The following FTO variants were observed in gnomAD, a reference collection of about 807,000 sequenced individuals.
FTO encodes alpha-ketoglutarate-dependent dioxygenase FTO.
A neutral mutation model predicts 63.9 loss-of-function variants in FTO; 47 were observed. The ratio of observed to expected loss-of-function variants is 0.74; its 90% confidence interval spans 0.58 to 0.94. FTO has a LOEUF of 0.94. Among genes scored for constraint, FTO ranks in the 40% least tolerant of loss-of-function variants. The pLI, the probability that FTO is intolerant of heterozygous loss-of-function variation, is 0.00. For synonymous variants in FTO, 207 were observed against 224.4 expected, an observed-to-expected ratio of 0.92 and a Z score of 0.69; for missense variants, 562 against 618.1, an observed-to-expected ratio of 0.91 and a Z score of 0.96.
intron 1 of FTO, among the ~76,000 whole-genome samples, chr16:53,763,292 C>T (rs73610002): frequency 0.023 from 3,431 of 152,210 alleles, 136 homozygotes; most frequent in African/African-American, 0.078. Flanking sequence ...TTCATGGTGT[C>T]ATCTAACATT....
chr16:54,017,010 A>G (rs2084464548), intron 8 of FTO, among the ~76,000 whole-genome samples: 1 of 152,154 alleles, frequency 6.6e-6, no homozygotes, highest in Admixed American at 6.5e-5. Flanking sequence ...TTGGGAAGAT[A>G]ATGAGTGGCA....
rs752080961 is a variant in FTO, at chr16:53,900,608, C to CTTTTT, written c.1239+11680_1239+11684dup. 9.3e-3 allele frequency among the ~76,000 whole-genome samples: 627 copies of CTTTTT among 67,200 alleles called. 124 individuals carry two copies. Among genetic ancestry groups the CTTTTT allele is most frequent in the African/African-American group, 0.035 (544 of 15,336 alleles). The allele number at this position is 67,200 out of a possible 152,430, so 44.1% of individuals were successfully genotyped here. The stretch of plus-strand genomic sequence containing the variant: ...CAGTCATTTAATCATTCATCTGCTC[C>CTTTTT]TTTTTTTTTTTTTTTTTTTTTTTTT... On this transcript the variant is annotated intron_variant, in intron 7 of 8. Coordinates refer to ENST00000471389, the MANE Select transcript of FTO (RefSeq NM_001080432.3).
chr16:53,911,611 G>A lies in FTO; in HGVS notation c.1240-22374G>A, dbSNP rs114428976. 3,079 of 639,502 alleles carry A rather than the reference G, an allele frequency of 4.8e-3. 53 individuals carry two copies. Among genetic ancestry groups the A allele is most frequent in the African/African-American group, 0.048 (2,673 of 55,970 alleles). The allele number at this position is 639,502 out of a possible 1,614,324, so 39.6% of individuals were successfully genotyped here. A position where few individuals can be genotyped will look rare whatever the true frequency, so the allele number is the denominator to read the frequency against. On this transcript the variant is annotated intron_variant, in intron 7 of 8. Coordinates refer to ENST00000471389, the MANE Select transcript of FTO (RefSeq NM_001080432.3). ...ACTGATGTTTACAGGTCAACCTGGA[G>A]GTTCCTGAGAGGAAGTGCACTGTAG...
chr16:53,704,090 G>A, upstream of FTO: 1 of 1,259,288 alleles, frequency 7.9e-7, no homozygotes, highest in East Asian at 2.5e-5. Flanking sequence ...AGCTCCAGAC[G>A]GGAGCAGGAC....
Position 53,744,832 on chromosome 16 carries a change from C to CG in FTO, c.45+40603_45+40604insG, listed in dbSNP as rs971082228. Among the ~76,000 whole-genome samples the CG allele has an allele frequency of 8.7e-3, 630 of 72,064 alleles. 4 individuals are homozygous for CG. The highest frequency in any genetic ancestry group is 0.051 in the African/African-American group (603 of 11,822). The allele number at this position is 72,064 out of a possible 152,430, so 47.3% of individuals were successfully genotyped here. A position where few individuals can be genotyped will look rare whatever the true frequency, so the allele number is the denominator to read the frequency against. On this transcript the variant is annotated intron_variant, in intron 1 of 8. Transcript: ENST00000471389. ...GACTCTAAGGACTTTTCTTCCCCCC[C>CG]CCCATATATGAATCTCATTGTAGAG...
chr16:53,888,370 T>A (rs866774307), intron 6 of FTO, among the ~76,000 whole-genome samples: 58 of 149,226 alleles, frequency 3.9e-4, no homozygotes, highest in African/African-American at 1.4e-3. Context: ...CCAATTTATT[T>A]TTAAAAATAA....
In FTO at chr16:53,737,239, A is replaced by C. The variant is rs142101950; in HGVS notation, c.45+33010A>C. 3.3e-3 allele frequency among the ~76,000 whole-genome samples: 502 copies of C among 152,308 alleles called. 5 individuals carry two copies. Among genetic ancestry groups the C allele is most frequent in the African/African-American group, 0.011 (452 of 41,544 alleles). On this transcript the variant is annotated intron_variant, in intron 1 of 8. Coordinates refer to ENST00000471389, the MANE Select transcript of FTO (RefSeq NM_001080432.3). ...ATATTTATCTGTGGGAAGGAGATTC[A>C]TGAATAAGTGTGTATATATCTCTAT... is the stretch of plus-strand genomic sequence containing the variant.
At chr16:53,811,517 A>G (rs115140649) in intron 2 of FTO, among the ~76,000 whole-genome samples, 5,143 of 152,156 alleles carry the variant, frequency 0.034, 109 homozygotes, top group South Asian at 0.094. Flanking sequence ...GATCTGCACC[A>G]TCTTTCCTCT....
chr16:54,107,328 TG>T (rs2086779089), intron 8 of FTO, among the ~76,000 whole-genome samples: 1 of 152,108 alleles, frequency 6.6e-6, no homozygotes, highest in Admixed American at 6.6e-5. Flanking sequence ...ATTGTTTAGC[TG>T]GGTTCAGTAG....
chr16:54,079,733 G>A (rs556168934), intron 8 of FTO, among the ~76,000 whole-genome samples: 26 of 152,264 alleles, frequency 1.7e-4, no homozygotes, highest in African/African-American at 6.3e-4. Context: ...ACTGGAACGT[G>A]TATGTCCTAT....
chr16:53,744,074 C>A (rs1472352098), intron 1 of FTO, among the ~76,000 whole-genome samples: 1 of 152,002 alleles, frequency 6.6e-6, no homozygotes, highest in Non-Finnish European at 1.5e-5. Context: ...GAAGTGGGCT[C>A]CCTTCAGGAA....
chr16:53,826,301 A>G lies in FTO; in HGVS notation c.561A>G (p.Gly187=), dbSNP rs75008940. 68 of 1,614,156 alleles carry G rather than the reference A, an allele frequency of 4.2e-5. No homozygotes were observed. The highest frequency in any genetic ancestry group is 5.3e-5 in the Non-Finnish European group (62 of 1,179,992). ...TTGGGATGGGTTCATCCTACAACGG[A>G]CAAGATGAAGTGGACATTAAGAGCA... ...PRVGMGSSYN[G]QDEVDIKSRA... is the part of the protein sequence containing the mutation. Residue 187 remains glycine, a synonymous_variant, in exon 3 of 9, where the codon GGA becomes GGG. Transcript: ENST00000471389.
intron 1 of FTO, among the ~76,000 whole-genome samples, chr16:53,760,208 GTGT>G (rs1567962657): frequency 6.0e-3 from 81 of 13,456 alleles, no homozygotes; most frequent in South Asian, 0.034. Flanking sequence ...CAGCTTTGGT[GTGT>G]GTGTGTGTGT....
In FTO at chr16:53,825,997, A is replaced by C. The variant is rs778585710; in HGVS notation, c.257A>C (p.Gln86Pro). Residue 86 changes from glutamine (Q) to proline (P), a missense_variant, in exon 3 of 9, where the codon CAA (glutamine) becomes CCA (proline). Physicochemically the swap from Gln to Pro is moderately conservative, Grantham distance 76. Coordinates refer to ENST00000471389, the MANE Select transcript of FTO (RefSeq NM_001080432.3). ...TTATTTCGGGACCTGGTTAGGATCC[A>C]AGGCAAAGATCTGCTCACTCCGGTA... is the stretch of plus-strand genomic sequence containing the variant. ...GCLFRDLVRI[Q>P]GKDLLTPVSR... is the part of the protein sequence containing the mutation. 1.9e-6 allele frequency: 3 copies of C among 1,614,208 alleles called. No individual in the cohort carries two copies. The highest frequency in any genetic ancestry group is 2.5e-6 in the Non-Finnish European group (3 of 1,180,046).
intron 1 of FTO, among the ~76,000 whole-genome samples, chr16:53,757,838 A>G (rs1251779782): frequency 6.6e-6 from 1 of 152,194 alleles, no homozygotes; most frequent in Non-Finnish European, 1.5e-5. Context: ...CTCTTTGAGA[A>G]GAGCTCAAAC....
chr16:53,970,653 A>G (rs1304261051), intron 8 of FTO, among the ~76,000 whole-genome samples: 3 of 152,052 alleles, frequency 2.0e-5, no homozygotes, highest in East Asian at 3.8e-4. Context: ...TGGGTATGGC[A>G]AACAGGTGGG....
intron 4 of FTO, among the ~76,000 whole-genome samples, chr16:53,854,154 C>T (rs544291408): frequency 6.6e-6 from 1 of 151,982 alleles, no homozygotes; most frequent in Admixed American, 6.6e-5. Flanking sequence ...CATTTGCCCA[C>T]TTTTTAGTGG....
chr16:53,959,510 T>TTTA (rs887940138), intron 8 of FTO, among the ~76,000 whole-genome samples: 2 of 151,478 alleles, frequency 1.3e-5, no homozygotes, highest in African/African-American at 4.8e-5. Context: ...AATAATATTA[T>TTTA]TTATTATTAT....
intron 8 of FTO, among the ~76,000 whole-genome samples, chr16:54,032,399 G>T (rs1343448172): frequency 1.3e-5 from 2 of 152,128 alleles, no homozygotes; most frequent in Admixed American, 6.5e-5. Context: ...ATGGGAAGAG[G>T]TTTTAAAGAT....
Sources: gnomAD v4.1 joint callset for allele counts (sites outside exome capture counted in the v4.1 genomes callset) on GRCh38, gnomAD v4.1.1 for gene constraint, MANE v1.5 for transcripts, NCBI Gene and HGNC (gene_info 2026-07-23, HGNC 2026-07-21) for gene names.